SOS2: variants seen among roughly 807,000 people sequenced by gnomAD.
The protein encoded by SOS2 is SOS Ras/Rho guanine nucleotide exchange factor 2, also known as son of sevenless homolog 2.
SOS2 carries 65 observed loss-of-function variants against 148.2 expected under a neutral mutation model. The observed-to-expected ratio is 0.44, with a 90% CI of 0.36 to 0.54. SOS2 has a LOEUF of 0.54. Among genes scored for constraint, SOS2 ranks in the 20% least tolerant of loss-of-function variants. SOS2 has a pLI of 0.00. For synonymous variants in SOS2, 539 were observed against 537.1 expected (o/e 1.00, Z -0.05); for missense variants, 1,341 against 1,590.2 (o/e 0.84, Z 2.67).
At chr14:50,171,704 AAAAAATT>A (rs1407255679) in intron 8 of SOS2, among the ~76,000 whole-genome samples, 3 of 104,434 alleles carry the variant, frequency 2.9e-5, no homozygotes, top group Non-Finnish European at 6.1e-5. Flanking sequence ...AAAAAAAAAA[AAAAAATT>A]CAACGGTCTA....
intron 13 of SOS2, among the ~76,000 whole-genome samples, chr14:50,152,061 T>C (rs748599214): frequency 1.3e-5 from 2 of 152,204 alleles, no homozygotes; most frequent in African/African-American, 2.4e-5. Context: ...TATGACAATT[T>C]CAAGGCACAC....
Position 50,150,054 on chromosome 14 carries a change from T to C in SOS2, c.2338A>G (p.Ile780Val), listed in dbSNP as rs1884611879. The change falls in exon 14 of 23, where the codon ATA (isoleucine) becomes GTA (valine). Residue 780 changes from isoleucine (I) to valine (V), a missense_variant. Transcript: ENST00000216373. ...ETFDLMTLHPIEIARQLTLLE... is the reference protein window; with the variant it reads ...ETFDLMTLHPVEIARQLTLLE... ...AGTGTCAGCTGACGTGCAATTTCTA[T>C]TGGATGAAGTGTCATGAGATCAAAT... The C allele has an allele frequency of 6.2e-7, 1 of 1,614,036 alleles. No homozygotes were observed. The highest frequency in any genetic ancestry group is 8.5e-7 in the Non-Finnish European group (1 of 1,179,920).
intron 14 of SOS2, among the ~76,000 whole-genome samples, chr14:50,149,298 G>A (rs549810838): frequency 6.6e-6 from 1 of 152,280 alleles, no homozygotes; most frequent in Non-Finnish European, 1.5e-5. Context: ...TATATACACA[G>A]TGGAACACTA....
At chr14:50,191,776 G>C (rs1187292532) in intron 4 of SOS2, among the ~76,000 whole-genome samples, 1 of 152,080 alleles carries the variant, frequency 6.6e-6, no homozygotes, top group Non-Finnish European at 1.5e-5. Context: ...TAGGCATTCT[G>C]ATTTTCTTTT....
intron 1 of SOS2, among the ~76,000 whole-genome samples, chr14:50,212,026 T>C (rs1242350105): frequency 2.6e-5 from 4 of 151,740 alleles, no homozygotes; most frequent in Admixed American, 6.6e-5. Flanking sequence ...CCTGAAAAAA[T>C]GTTGGCAGAA....
At chr14:50,215,711 A>C (rs1887023244) in intron 1 of SOS2, among the ~76,000 whole-genome samples, 1 of 149,450 alleles carries the variant, frequency 6.7e-6, no homozygotes, top group East Asian at 2.0e-4. Flanking sequence ...TGTACCCTAA[A>C]ACTTAAAGTA....
intron 5 of SOS2, among the ~76,000 whole-genome samples, chr14:50,187,995 C>G (rs1316544575): frequency 6.6e-6 from 1 of 152,202 alleles, no homozygotes; most frequent in Non-Finnish European, 1.5e-5. Context: ...AAACCTCCTT[C>G]TAATTTTGTG....
intron 7 of SOS2, among the ~76,000 whole-genome samples, chr14:50,178,674 A>ATGTG (rs1566839597): frequency 3.0e-3 from 14 of 4,676 alleles, no homozygotes; most frequent in Middle Eastern, 0.25. Context: ...GTGTGTGCAT[A>ATGTG]TATATATATA....
chr14:50,228,122 A>T (rs990689846), intron 1 of SOS2, among the ~76,000 whole-genome samples: 3 of 149,826 alleles, frequency 2.0e-5, no homozygotes, highest in Admixed American at 2.0e-4. Context: ...GCTCACTGCA[A>T]CCTCTGCCTA....
At chr14:50,149,102 G>C (rs748540174) in intron 14 of SOS2, among the ~76,000 whole-genome samples, 7 of 152,112 alleles carry the variant, frequency 4.6e-5, no homozygotes, top group Non-Finnish European at 1.0e-4. Context: ...TTGCCATGTT[G>C]CTCAGGCTGG....
Position 50,231,356 on chromosome 14 carries a change from G to T in SOS2, c.-73C>A. ...CCGGTGGCCTGACAGGCAGGGCGCG[G>T]GCCGCCTCGCCTCGCCGGCGGCCGC... On this transcript the variant is annotated 5_prime_UTR_variant, in exon 1 of 23. Transcript: ENST00000216373. The T allele has an allele frequency of 1.6e-6, 1 of 643,848 alleles. No homozygotes were observed. The highest frequency in any genetic ancestry group is 2.0e-6 in the Non-Finnish European group (1 of 495,300). The allele number at this position is 643,848 out of a possible 1,614,324, so 39.9% of individuals were successfully genotyped here.
Position 50,207,408 on chromosome 14 carries a change from G to C in SOS2, c.88-2999C>G, listed in dbSNP as rs546546635. 6.6e-5 allele frequency among the ~76,000 whole-genome samples: 10 copies of C among 152,134 alleles called. No individual in the cohort carries two copies. The South Asian group carries it at 1.9e-3, about 28-fold the overall frequency. On this transcript the variant is annotated intron_variant, in intron 1 of 22. Transcript: ENST00000216373. ...TGCCTGTAGTCCCAGCTACTCAGAAGGCTAAAGCAAAAGGATTACTTGAGC... is the reference window on the plus strand; with the variant it reads ...TGCCTGTAGTCCCAGCTACTCAGAACGCTAAAGCAAAAGGATTACTTGAGC...
At chr14:50,129,812 A>G (rs1883808572) in intron 21 of SOS2, 149 bp downstream of exon 21, 1 of 544,488 alleles carries the variant, frequency 1.8e-6, no homozygotes, top group Non-Finnish European at 3.3e-6. Flanking sequence ...GTGAAGCTTA[A>G]GTAGTACACA....
chr14:50,123,249 G>A (rs1883576984), intron 21 of SOS2, among the ~76,000 whole-genome samples: 1 of 152,160 alleles, frequency 6.6e-6, no homozygotes, highest in South Asian at 2.1e-4. Flanking sequence ...ATTATGTTGA[G>A]GCAGACTGAG....
intron 9 of SOS2, among the ~76,000 whole-genome samples, chr14:50,161,041 C>T (rs1291176639): frequency 6.6e-6 from 1 of 150,584 alleles, no homozygotes. Flanking sequence ...CTGGGCGCAG[C>T]GGCTCACACC....
intron 1 of SOS2, among the ~76,000 whole-genome samples, chr14:50,211,941 G>C (rs1337610436): frequency 1.3e-5 from 2 of 152,026 alleles, no homozygotes; most frequent in African/African-American, 4.8e-5. Flanking sequence ...ATAAATTGTG[G>C]CTTATTAATA....
chr14:50,206,859 T>C (rs1355058034), intron 1 of SOS2, among the ~76,000 whole-genome samples: 2 of 152,160 alleles, frequency 1.3e-5, no homozygotes, highest in South Asian at 2.1e-4. Context: ...GCCACCCACG[T>C]TGGAATGCAG....
rs1325160001 is a variant in SOS2 at position 50,159,416 on chromosome 14, A to G, written c.1852+15T>C. 3.9e-6 allele frequency: 6 copies of G among 1,549,116 alleles called. No individual in the cohort carries two copies. Among genetic ancestry groups the G allele is most frequent in the Non-Finnish European group, 5.3e-6 (6 of 1,140,498 alleles). The stretch of plus-strand genomic sequence containing the variant: ...CCCAGGCCCTAGGTCAGCAGTTGTA[A>G]TGAGTTTCACATACCTGCATACATA... On this transcript the variant is annotated intron_variant, in intron 10 of 22. Transcript: ENST00000216373.
chr14:50,196,892 G>A (rs577476206), intron 4 of SOS2, among the ~76,000 whole-genome samples: 28 of 152,260 alleles, frequency 1.8e-4, no homozygotes, highest in African/African-American at 6.7e-4. Flanking sequence ...GTTTGAGACA[G>A]TGTCTCACTC....
Sources: gnomAD v4.1 joint callset for allele counts (sites outside exome capture counted in the v4.1 genomes callset) on GRCh38, gnomAD v4.1.1 for gene constraint, MANE v1.5 for transcripts, NCBI Gene and HGNC (gene_info 2026-07-23, HGNC 2026-07-21) for gene names.